Variants in RPS6KC1 observed in about 807,000 individuals in gnomAD.
RPS6KC1 encodes inactive ribosomal protein S6 kinase delta-1.
In RPS6KC1, 54 loss-of-function variants were observed where a neutral mutation model predicts 103.8. The ratio of observed to expected loss-of-function variants is 0.52; its 90% CI spans 0.42 to 0.65. The LOEUF is 0.65. RPS6KC1 is among the 30% of genes least tolerant of loss of function. RPS6KC1 has a pLI of 0.00. For missense variants in RPS6KC1, 1,151 were observed against 1,253.8 expected (o/e 0.92, Z 1.24); for synonymous variants, 439 against 438.7 (o/e 1.00, Z -0.01).
chr1:213,600,575 A>G, the RPS6KC1 span, among the ~76,000 whole-genome samples: 2 of 152,084 alleles, frequency 1.3e-5, no homozygotes, highest in Admixed American at 6.5e-5. Flanking sequence ...TCTTCTCTAC[A>G]AAGCCCATGG....
chr1:213,502,895 A>T, the RPS6KC1 span, among the ~76,000 whole-genome samples: 2 of 151,390 alleles, frequency 1.3e-5, no homozygotes, highest in Non-Finnish European at 3.0e-5. Flanking sequence ...AATTATTATA[A>T]TAAAAAGTAT....
chr1:213,069,790 A>G (rs2078702267), intron 1 of RPS6KC1, among the ~76,000 whole-genome samples: 1 of 152,212 alleles, frequency 6.6e-6, no homozygotes, highest in Non-Finnish European at 1.5e-5. Flanking sequence ...ATTTTTGCAA[A>G]ATACACCATT....
chr1:213,847,863 T>C, the RPS6KC1 span, among the ~76,000 whole-genome samples: 1 of 152,126 alleles, frequency 6.6e-6, no homozygotes, highest in Non-Finnish European at 1.5e-5. Flanking sequence ...CAGTGTCCTA[T>C]TTTTACTCCT....
the RPS6KC1 span, among the ~76,000 whole-genome samples, chr1:213,610,490 C>G: frequency 2.0e-5 from 3 of 152,132 alleles, no homozygotes; most frequent in Non-Finnish European, 4.4e-5. Context: ...AAACCTCGAC[C>G]ATCAGGGACA....
intron 1 of RPS6KC1, among the ~76,000 whole-genome samples, chr1:213,068,801 C>T (rs1159110542): frequency 6.6e-6 from 1 of 150,816 alleles, no homozygotes; most frequent in African/African-American, 2.4e-5. Flanking sequence ...TGCTTGATCC[C>T]AGGAATTTGA....
the RPS6KC1 span, among the ~76,000 whole-genome samples, chr1:213,712,435 T>A: frequency 6.6e-6 from 1 of 152,218 alleles, no homozygotes; most frequent in East Asian, 1.9e-4. Context: ...AGCCAGTGGA[T>A]CTTAGCTTGC....
At chr1:213,648,814 A>G in the RPS6KC1 span, among the ~76,000 whole-genome samples, 1 of 152,056 alleles carries the variant, frequency 6.6e-6, no homozygotes, top group Non-Finnish European at 1.5e-5. Flanking sequence ...CCATCTTCAC[A>G]TTCTGTCCCC....
the RPS6KC1 span, among the ~76,000 whole-genome samples, chr1:213,843,218 C>G: frequency 1.3e-5 from 2 of 152,178 alleles, no homozygotes; most frequent in African/African-American, 2.4e-5. Flanking sequence ...CTGCTTTACT[C>G]AAAGTCTACT....
the RPS6KC1 span, among the ~76,000 whole-genome samples, chr1:213,860,621 G>T: frequency 6.6e-6 from 1 of 152,070 alleles, no homozygotes; most frequent in Non-Finnish European, 1.5e-5. Context: ...AGGCAAAGGA[G>T]AGAGTGTTCT....
chr1:213,579,369 A>T, the RPS6KC1 span, among the ~76,000 whole-genome samples: 1 of 152,142 alleles, frequency 6.6e-6, no homozygotes, highest in African/African-American at 2.4e-5. Context: ...AAGCTTCAGA[A>T]GAAAAGTTAG....
chr1:213,056,347 C>T (rs772248084), intron 1 of RPS6KC1, among the ~76,000 whole-genome samples: 7 of 152,180 alleles, frequency 4.6e-5, no homozygotes, highest in Non-Finnish European at 1.0e-4. Context: ...TACATTTGAA[C>T]CCAGGTAGAC....
At chr1:213,376,426 T>C in the RPS6KC1 span, among the ~76,000 whole-genome samples, 2 of 152,040 alleles carry the variant, frequency 1.3e-5, no homozygotes, top group African/African-American at 4.8e-5. Flanking sequence ...TACTTAATGA[T>C]GTTGAGGTGT....
the RPS6KC1 span, among the ~76,000 whole-genome samples, chr1:213,468,376 A>C: frequency 3.3e-5 from 5 of 152,238 alleles, no homozygotes; most frequent in African/African-American, 1.2e-4. Context: ...CTAAGAGGCT[A>C]TGTCCAATTT....
At chr1:213,666,709 AG>A in the RPS6KC1 span, among the ~76,000 whole-genome samples, 1 of 152,208 alleles carries the variant, frequency 6.6e-6, no homozygotes, top group Non-Finnish European at 1.5e-5. Context: ...AAATAAATCC[AG>A]GGGTGGCACA....
chr1:213,095,417 T>C (rs2081356998), intron 3 of RPS6KC1, among the ~76,000 whole-genome samples: 1 of 152,230 alleles, frequency 6.6e-6, no homozygotes, highest in African/African-American at 2.4e-5. Context: ...CTCTGCTATT[T>C]AGGAGTTCTT....
chr1:213,090,556 G>T (rs2080870327), intron 3 of RPS6KC1, among the ~76,000 whole-genome samples: 1 of 152,194 alleles, frequency 6.6e-6, no homozygotes, highest in Non-Finnish European at 1.5e-5. Context: ...ACAACAGGAA[G>T]AGTATAAATT....
At chr1:213,279,701 A>C (rs2095118896), downstream of RPS6KC1, among the ~76,000 whole-genome samples, 1 of 152,208 alleles carries the variant, frequency 6.6e-6, no homozygotes, top group Admixed American at 6.5e-5. Flanking sequence ...GGTTCTCAAA[A>C]AGTGGTCCCC....
the RPS6KC1 span, among the ~76,000 whole-genome samples, chr1:213,744,605 A>G: frequency 6.6e-6 from 1 of 152,218 alleles, no homozygotes; most frequent in Non-Finnish European, 1.5e-5. Flanking sequence ...GGGCTGGGGA[A>G]GAGGATGAAT....
the RPS6KC1 span, among the ~76,000 whole-genome samples, chr1:213,671,125 A>T: frequency 6.6e-6 from 1 of 152,152 alleles, no homozygotes; most frequent in Non-Finnish European, 1.5e-5. Flanking sequence ...GTGAAGTTTT[A>T]TTCATCCATC....
Sources: allele counts gnomAD v4.1 joint callset (sites outside exome capture counted in the v4.1 genomes callset), GRCh38; gene constraint gnomAD v4.1.1; transcripts MANE v1.5; gene names NCBI Gene and HGNC (gene_info 2026-07-23, HGNC 2026-07-21).